The following NIBAN1 variants were observed in gnomAD, a reference collection of about 807,000 sequenced individuals.
NIBAN1 encodes protein Niban 1.
A neutral mutation model predicts 75.1 loss-of-function variants in NIBAN1; 81 were observed. The ratio of observed to expected loss-of-function variants is 1.08; its 90% CI spans 0.90 to 1.30. NIBAN1 has a LOEUF of 1.30. NIBAN1 is among the 50% of genes most tolerant of loss of function. The probability of loss-of-function intolerance (pLI) is 0.00; values close to 1 mark genes in which losing one functional copy is unlikely to be tolerated. For missense variants in NIBAN1, 1,133 were observed against 1,128.1 expected, an observed-to-expected ratio of 1.00 and a Z score of -0.06; for synonymous variants, 436 against 424.8, an observed-to-expected ratio of 1.03 and a Z score of -0.32.
At chr1:184,873,156 T>C (rs538590239) in intron 5 of NIBAN1, among the ~76,000 whole-genome samples, 1 of 152,144 alleles carries the variant, frequency 6.6e-6, no homozygotes, top group South Asian at 2.1e-4. Context: ...ACGAATGAGA[T>C]AAAGACATTT....
intron 1 of NIBAN1, among the ~76,000 whole-genome samples, chr1:184,901,254 G>T (rs1345271103): frequency 6.6e-6 from 1 of 152,118 alleles, no homozygotes; most frequent in East Asian, 1.9e-4. Flanking sequence ...ATTATTACTT[G>T]TAAGGTGCTT....
At chr1:184,963,032 G>A (rs566985496) in intron 1 of NIBAN1, among the ~76,000 whole-genome samples, 3 of 151,376 alleles carry the variant, frequency 2.0e-5, no homozygotes, top group East Asian at 1.9e-4. Context: ...TTTTCATTTT[G>A]TATGACTTTT....
intron 1 of NIBAN1, among the ~76,000 whole-genome samples, chr1:184,917,329 G>A (rs1289117759): frequency 6.7e-6 from 1 of 149,142 alleles, no homozygotes; most frequent in African/African-American, 2.5e-5. Flanking sequence ...AGCCTCCCGA[G>A]TAGCTGGGAC....
intron 1 of NIBAN1, among the ~76,000 whole-genome samples, chr1:184,941,711 G>T (rs1025600991): frequency 2.0e-5 from 3 of 151,932 alleles, no homozygotes; most frequent in Non-Finnish European, 4.4e-5. Flanking sequence ...AGATACCTGG[G>T]GGTGTGAGAT....
chr1:184,912,882 G>C (rs1657280623), intron 1 of NIBAN1, among the ~76,000 whole-genome samples: 1 of 152,100 alleles, frequency 6.6e-6, no homozygotes, highest in Non-Finnish European at 1.5e-5. Context: ...AGCCCCACAT[G>C]AATGTAGAAT....
intron 1 of NIBAN1, among the ~76,000 whole-genome samples, chr1:184,951,074 G>A (rs1369878615): frequency 1.3e-5 from 2 of 152,158 alleles, no homozygotes; most frequent in African/African-American, 2.4e-5. Flanking sequence ...ACACCCAGCC[G>A]CCTCCTCTCA....
intron 6 of NIBAN1, among the ~76,000 whole-genome samples, chr1:184,825,034 G>A (rs1654807162): frequency 1.3e-5 from 2 of 152,178 alleles, no homozygotes; most frequent in South Asian, 4.1e-4. Context: ...GTTGGGACCT[G>A]ACACCTAAAA....
At chr1:184,865,530 T>C (rs1655934848) in intron 5 of NIBAN1, among the ~76,000 whole-genome samples, 1 of 152,056 alleles carries the variant, frequency 6.6e-6, no homozygotes, top group Non-Finnish European at 1.5e-5. Context: ...AGACCATTCA[T>C]ACCCCAAACC....
intron 5 of NIBAN1, among the ~76,000 whole-genome samples, chr1:184,884,061 C>T (rs1460154056): frequency 1.3e-5 from 2 of 151,748 alleles, no homozygotes; most frequent in African/African-American, 4.8e-5. Context: ...AATGTGACAC[C>T]CCCCAACTTG....
chr1:184,829,248 A>C (rs1654928788), intron 6 of NIBAN1, among the ~76,000 whole-genome samples: 1 of 152,164 alleles, frequency 6.6e-6, no homozygotes, highest in Non-Finnish European at 1.5e-5. Flanking sequence ...CAAATGCTTT[A>C]CAATCTCCAT....
chr1:184,908,543 G>A (rs1003721964), intron 1 of NIBAN1, among the ~76,000 whole-genome samples: 6 of 152,158 alleles, frequency 3.9e-5, no homozygotes, highest in African/African-American at 1.4e-4. Flanking sequence ...CACCTTTCTA[G>A]AACTCTAAGA....
intron 5 of NIBAN1, among the ~76,000 whole-genome samples, chr1:184,870,239 C>T (rs1656069983): frequency 6.6e-6 from 1 of 152,160 alleles, no homozygotes; most frequent in Non-Finnish European, 1.5e-5. Context: ...TCTGATTAAG[C>T]AAAGTCTTCA....
chr1:184,796,762 A>G (rs1653883604), intron 13 of NIBAN1, among the ~76,000 whole-genome samples: 1 of 152,246 alleles, frequency 6.6e-6, no homozygotes, highest in African/African-American at 2.4e-5. Context: ...TATCAAAGAC[A>G]GAACAGATTT....
chr1:184,877,243 A>C (rs965508065), intron 5 of NIBAN1, among the ~76,000 whole-genome samples: 1 of 152,210 alleles, frequency 6.6e-6, no homozygotes, highest in African/African-American at 2.4e-5. Flanking sequence ...AAGTCATGGG[A>C]GGAAGTGTAG....
chr1:184,973,545 G>A (rs1285643291), intron 1 of NIBAN1, among the ~76,000 whole-genome samples: 2 of 152,144 alleles, frequency 1.3e-5, no homozygotes, highest in African/African-American at 2.4e-5. Context: ...ATACGCCCAG[G>A]AAATAAAGGA....
chr1:184,823,530 A>C, intron 7 of NIBAN1, 108 bp downstream of exon 7: 1 of 1,322,982 alleles, frequency 7.6e-7, no homozygotes, highest in Non-Finnish European at 1.1e-6. Flanking sequence ...AGGCATTTCT[A>C]CACCCAGGGA....
At chr1:184,901,021 C>G (rs1369191989) in intron 1 of NIBAN1, among the ~76,000 whole-genome samples, 1 of 152,154 alleles carries the variant, frequency 6.6e-6, no homozygotes, top group Non-Finnish European at 1.5e-5. Context: ...GTTCTAACTA[C>G]ATAGATTGAG....
In NIBAN1 at chr1:184,836,664, G is replaced by A. The variant is rs1345046630; in HGVS notation, c.602-4702C>T. On this transcript the variant is annotated intron_variant, in intron 5 of 13. Transcript: ENST00000367511. ...AAGTGAAGCATCTTAATACAGAAGA[G>A]AAGAAAAGTATTAATAATCAAATGA... is the stretch of plus-strand genomic sequence containing the variant. Among the ~76,000 whole-genome samples, 5 of 152,166 alleles carry A rather than the reference G, an allele frequency of 3.3e-5. No individual in the cohort carries two copies. In the East Asian group the frequency reaches 9.6e-4, roughly 29 times the overall value.
chr1:184,919,761 A>C (rs1032350379), intron 1 of NIBAN1, among the ~76,000 whole-genome samples: 3 of 152,058 alleles, frequency 2.0e-5, no homozygotes, highest in Non-Finnish European at 2.9e-5. Flanking sequence ...AATTCTGTAA[A>C]CATCCTAGGT....
Sources: gnomAD v4.1 joint callset for allele counts (sites outside exome capture counted in the v4.1 genomes callset) on GRCh38, gnomAD v4.1.1 for gene constraint, MANE v1.5 for transcripts, NCBI Gene and HGNC (gene_info 2026-07-23, HGNC 2026-07-21) for gene names.